The following ATRNL1 variants were observed in gnomAD, a reference collection of about 807,000 sequenced individuals.
ATRNL1 encodes the protein attractin-like protein 1.
A neutral mutation model predicts 182.7 loss-of-function variants in ATRNL1; 95 were observed. The observed-to-expected ratio is 0.52, with a 90% CI of 0.44 to 0.62. The LOEUF (loss-of-function observed/expected upper bound fraction) is 0.62. Ranked by LOEUF, ATRNL1 falls within the 20% of genes least tolerant of loss-of-function variation. The pLI, the probability that ATRNL1 is intolerant of heterozygous loss-of-function variation, is 0.00. For synonymous variants in ATRNL1, 576 were observed against 568.3 expected (o/e 1.01, Z -0.19); for missense variants, 1,471 against 1,679.5 (o/e 0.88, Z 2.17).
At chr10:115,491,808 T>TG (rs1849312705) in intron 24 of ATRNL1, among the ~76,000 whole-genome samples, 1 of 152,156 alleles carries the variant, frequency 6.6e-6, no homozygotes, top group African/African-American at 2.4e-5. Context: ...AAAGAACTCT[T>TG]GCAGCTAGCT....
At position 115,947,587 on chromosome 10, in the gene ATRNL1, TTA is replaced by T. The variant is rs1366096487; in HGVS notation, c.*2809_*2810del. 11 of 152,660 alleles carry T rather than the reference TTA, an allele frequency of 7.2e-5. No individual in the cohort carries two copies. Among genetic ancestry groups the T allele is most frequent in the African/African-American group, 2.7e-4 (11 of 41,454 alleles). 9.5% of individuals were successfully genotyped at this position (152,660 alleles called of 1,614,324 possible). A position where few individuals can be genotyped will look rare whatever the true frequency, so the allele number is the denominator to read the frequency against. On this transcript the variant is annotated 3_prime_UTR_variant, in exon 29 of 29. Coordinates refer to ENST00000355044, the MANE Select transcript of ATRNL1 (RefSeq NM_207303.4). The stretch of plus-strand genomic sequence containing the variant: ...ATAATTCTTTAAATGAAAATTTGTT[TTA>T]GTGATACACAGAGATGCCGTATACT...
intron 27 of ATRNL1, among the ~76,000 whole-genome samples, chr10:115,791,670 A>T (rs1465612905): frequency 6.6e-6 from 1 of 152,088 alleles, no homozygotes; most frequent in Non-Finnish European, 1.5e-5. Context: ...CAGCCCAAGC[A>T]ACTTGACTCT....
intron 19 of ATRNL1, among the ~76,000 whole-genome samples, chr10:115,339,632 T>G (rs1159980092): frequency 6.6e-6 from 1 of 152,216 alleles, no homozygotes; most frequent in Non-Finnish European, 1.5e-5. Flanking sequence ...AAATATAAGA[T>G]CATATTATCT....
At chr10:115,515,510 T>G (rs1554983696) in intron 24 of ATRNL1, among the ~76,000 whole-genome samples, 1 of 151,844 alleles carries the variant, frequency 6.6e-6, no homozygotes, top group East Asian at 1.9e-4. Context: ...TTTTATTTTA[T>G]TGGAATATGT....
chr10:115,682,649 A>G (rs1266066048), intron 26 of ATRNL1, among the ~76,000 whole-genome samples: 3 of 151,940 alleles, frequency 2.0e-5, no homozygotes, highest in African/African-American at 7.3e-5. Flanking sequence ...TTTTATAGTA[A>G]ACACTCAATA....
At chr10:115,504,083 TATTTA>T (rs1554980682) in intron 24 of ATRNL1, among the ~76,000 whole-genome samples, 2 of 152,020 alleles carry the variant, frequency 1.3e-5, no homozygotes, top group Non-Finnish European at 2.9e-5. Context: ...AAATATCTAT[TATTTA>T]ATTTAACTTT....
At chr10:115,120,308 T>G (rs1564749531) in intron 2 of ATRNL1, 40 bp downstream of exon 2, 10 of 1,074,884 alleles carry the variant, frequency 9.3e-6, no homozygotes, top group Non-Finnish European at 1.4e-5. Context: ...TATTTTATTC[T>G]TAAATGATAA....
intron 21 of ATRNL1, among the ~76,000 whole-genome samples, chr10:115,428,578 A>G (rs1250617278): frequency 1.3e-5 from 2 of 152,102 alleles, no homozygotes; most frequent in Admixed American, 6.5e-5. Flanking sequence ...TTTGCTGTAC[A>G]TTTTTTATCA....
intron 26 of ATRNL1, among the ~76,000 whole-genome samples, chr10:115,716,908 G>T (rs557682722): frequency 4.7e-4 from 71 of 152,124 alleles, no homozygotes; most frequent in African/African-American, 1.7e-3. Context: ...ATGACTGTGG[G>T]GGTATTCTAT....
At chr10:115,785,458 G>C (rs1280427290) in intron 27 of ATRNL1, among the ~76,000 whole-genome samples, 7 of 152,186 alleles carry the variant, frequency 4.6e-5, no homozygotes, top group Non-Finnish European at 1.0e-4. Flanking sequence ...AAGCCTAGCA[G>C]TGCTTGTTGG....
intron 28 of ATRNL1, among the ~76,000 whole-genome samples, chr10:115,939,179 T>C (rs1437460507): frequency 6.6e-6 from 1 of 152,228 alleles, no homozygotes; most frequent in African/African-American, 2.4e-5. Flanking sequence ...GTGGTAACTC[T>C]TGGCCTCCAG....
At chr10:115,597,406 C>T (rs1051050920) in intron 26 of ATRNL1, among the ~76,000 whole-genome samples, 1 of 152,106 alleles carries the variant, frequency 6.6e-6, no homozygotes, top group African/African-American at 2.4e-5. Context: ...GTTGATGACA[C>T]AATTTTAGAA....
intron 26 of ATRNL1, among the ~76,000 whole-genome samples, chr10:115,616,602 TC>T (rs1347338582): frequency 6.6e-6 from 1 of 152,158 alleles, no homozygotes; most frequent in Non-Finnish European, 1.5e-5. Context: ...AAAGAATGCT[TC>T]CATGGGTGAG....
chr10:115,823,292 A>T (rs1274402142), intron 27 of ATRNL1, among the ~76,000 whole-genome samples: 1 of 152,114 alleles, frequency 6.6e-6, no homozygotes, highest in Non-Finnish European at 1.5e-5. Context: ...ATAATAAGAG[A>T]TATTTATGAC....
chr10:115,936,720 A>G (rs1953570385), intron 28 of ATRNL1, among the ~76,000 whole-genome samples: 1 of 152,238 alleles, frequency 6.6e-6, no homozygotes, highest in African/African-American at 2.4e-5. Context: ...CAATACTACC[A>G]TTGTTCCATT....
intron 11 of ATRNL1, among the ~76,000 whole-genome samples, chr10:115,266,194 C>T (rs1046590021): frequency 4.0e-5 from 6 of 151,602 alleles, no homozygotes; most frequent in African/African-American, 1.2e-4. Flanking sequence ...AGGGCATTGG[C>T]ACTGCTTGGT....
intron 20 of ATRNL1, among the ~76,000 whole-genome samples, chr10:115,410,930 G>A (rs995007474): frequency 1.3e-4 from 20 of 151,526 alleles, no homozygotes; most frequent in Non-Finnish European, 2.1e-4. Flanking sequence ...TAGAGACAGG[G>A]TTTTACCATG....
intron 10 of ATRNL1, among the ~76,000 whole-genome samples, chr10:115,254,843 T>C (rs1851046749): frequency 6.6e-6 from 1 of 152,218 alleles, no homozygotes; most frequent in Non-Finnish European, 1.5e-5. Flanking sequence ...CAGTTTCAGC[T>C]TTCTACATAT....
chr10:115,636,245 G>A (rs1383984901), intron 26 of ATRNL1, among the ~76,000 whole-genome samples: 1 of 152,030 alleles, frequency 6.6e-6, no homozygotes, highest in Non-Finnish European at 1.5e-5. Flanking sequence ...TTATCCCTTG[G>A]TTCCGACACT....
Sources: gnomAD v4.1 joint callset for allele counts (sites outside exome capture counted in the v4.1 genomes callset) on GRCh38, gnomAD v4.1.1 for gene constraint, MANE v1.5 for transcripts, NCBI Gene and HGNC (gene_info 2026-07-23, HGNC 2026-07-21) for gene names.